The following ENOX1 variants were observed in gnomAD, a reference collection of about 807,000 sequenced individuals.
ENOX1 encodes the protein ecto-NOX disulfide-thiol exchanger 1.
Under a neutral mutation model 82.5 loss-of-function variants are expected in ENOX1, and 42 were observed. The ratio of observed to expected loss-of-function variants is 0.51; its 90% CI spans 0.40 to 0.66. The LOEUF is 0.66. Among genes scored for constraint, ENOX1 ranks in the 30% least tolerant of loss-of-function variants. ENOX1 has a pLI of 0.00. For missense variants in ENOX1, 608 were observed against 811.6 expected (o/e 0.75, Z 3.05); for synonymous variants, 271 against 282.2 (o/e 0.96, Z 0.40).
At chr13:43,581,349 G>A (rs1173421958) in intron 2 of ENOX1, among the ~76,000 whole-genome samples, 1 of 151,068 alleles carries the variant, frequency 6.6e-6, no homozygotes, top group East Asian at 1.9e-4. Flanking sequence ...AGCCGGGATG[G>A]TCTCGATCTC....
intron 2 of ENOX1, among the ~76,000 whole-genome samples, chr13:43,598,894 G>C (rs1044668846): frequency 6.6e-6 from 1 of 152,128 alleles, no homozygotes; most frequent in African/African-American, 2.4e-5. Context: ...ATGTTATTCT[G>C]TCACATACAT....
At chr13:43,455,928 C>T (rs1469762843) in intron 3 of ENOX1, among the ~76,000 whole-genome samples, 1 of 152,162 alleles carries the variant, frequency 6.6e-6, no homozygotes, top group Non-Finnish European at 1.5e-5. Context: ...AACTGTGAGT[C>T]CATTAAACTT....
chr13:43,735,219 C>A (rs1433229913), intron 1 of ENOX1, among the ~76,000 whole-genome samples: 2 of 152,180 alleles, frequency 1.3e-5, no homozygotes, highest in Non-Finnish European at 2.9e-5. Context: ...TTTAGGACAA[C>A]ATGCTAGTAA....
chr13:43,310,709 G>T (rs926683749), intron 11 of ENOX1, among the ~76,000 whole-genome samples: 1 of 151,710 alleles, frequency 6.6e-6, no homozygotes, highest in Non-Finnish European at 1.5e-5. Flanking sequence ...TACTAAGAAA[G>T]AAAGAAAAGA....
intron 14 of ENOX1, among the ~76,000 whole-genome samples, chr13:43,241,656 A>T (rs1447914421): frequency 2.0e-5 from 3 of 152,296 alleles, no homozygotes; most frequent in Admixed American, 6.5e-5. Flanking sequence ...TTCTCAGCCT[A>T]CCTTTTAACT....
chr13:43,342,667 T>C (rs1050891029), intron 9 of ENOX1, among the ~76,000 whole-genome samples: 2 of 152,148 alleles, frequency 1.3e-5, no homozygotes, highest in Admixed American at 1.3e-4. Context: ...CTCCAGGTAA[T>C]GTGGCTGGGG....
intron 11 of ENOX1, among the ~76,000 whole-genome samples, chr13:43,307,547 T>C (rs2046938094): frequency 6.6e-6 from 1 of 152,242 alleles, no homozygotes; most frequent in Admixed American, 6.5e-5. Flanking sequence ...CATTAGTTTT[T>C]CATATTTGCT....
rs1451870472 is a variant in ENOX1 at position 43,413,510 on chromosome 13, TA to T, written c.-74-523del. 4.6e-5 allele frequency among the ~76,000 whole-genome samples: 7 copies of T among 151,932 alleles called. No homozygotes were observed. The East Asian group carries it at 1.4e-3, about 29-fold the overall frequency. ...CATGCAGCTGGAAAAGGAGGGTACC[TA>T]AATTACAATAGTCAGGAAAGGCAGA... On this transcript the variant is annotated intron_variant, in intron 3 of 16. Transcript: ENST00000690772.
At chr13:43,592,897 A>G (rs2153726254) in intron 2 of ENOX1, among the ~76,000 whole-genome samples, 1 of 152,286 alleles carries the variant, frequency 6.6e-6, no homozygotes, top group Non-Finnish European at 1.5e-5. Context: ...ATTGCCTTAT[A>G]ATTATTCCTT....
intron 12 of ENOX1, among the ~76,000 whole-genome samples, chr13:43,287,122 CCTA>C (rs2045742014): frequency 6.6e-6 from 1 of 152,152 alleles, no homozygotes; most frequent in Admixed American, 6.5e-5. Flanking sequence ...GTCTCAGTTT[CCTA>C]CTTGACACAC....
chr13:43,429,567 G>A (rs2055536711), intron 3 of ENOX1, among the ~76,000 whole-genome samples: 1 of 152,162 alleles, frequency 6.6e-6, no homozygotes, highest in Non-Finnish European at 1.5e-5. Context: ...TGGTTCAGTA[G>A]ATCAAATGGG....
intron 2 of ENOX1, among the ~76,000 whole-genome samples, chr13:43,557,313 G>C (rs184308059): frequency 9.2e-5 from 14 of 152,096 alleles, no homozygotes; most frequent in Non-Finnish European, 5.9e-5. Context: ...TCCATAAAGC[G>C]GTCTGAGGCT....
chr13:43,357,334 G>C (rs2050219485), intron 7 of ENOX1, among the ~76,000 whole-genome samples: 1 of 152,140 alleles, frequency 6.6e-6, no homozygotes, highest in Non-Finnish European at 1.5e-5. Context: ...TCTCTGTAGA[G>C]GCTGGCTCCT....
At chr13:43,315,085 G>A (rs541417859) in intron 11 of ENOX1, among the ~76,000 whole-genome samples, 15 of 152,126 alleles carry the variant, frequency 9.9e-5, no homozygotes, top group Admixed American at 2.0e-4. Flanking sequence ...AAAAATACAC[G>A]GAAAAATACT....
chr13:43,238,982 C>T (rs2042685146), intron 14 of ENOX1, among the ~76,000 whole-genome samples: 1 of 152,062 alleles, frequency 6.6e-6, no homozygotes, highest in Non-Finnish European at 1.5e-5. Flanking sequence ...GTTTTCTCCC[C>T]AGGTCCAAAA....
intron 1 of ENOX1, among the ~76,000 whole-genome samples, chr13:43,705,549 T>C (rs2087222475): frequency 6.6e-6 from 1 of 151,776 alleles, no homozygotes; most frequent in Admixed American, 6.6e-5. Context: ...TCAAACAAAG[T>C]AGACTTCAAG....
chr13:43,445,874 C>A (rs2056625692), intron 3 of ENOX1, among the ~76,000 whole-genome samples: 2 of 152,200 alleles, frequency 1.3e-5, no homozygotes, highest in East Asian at 1.9e-4. Flanking sequence ...TGGCTCCTCA[C>A]TGAAATCTTC....
At chr13:43,428,548 T>G (rs2055462893) in intron 3 of ENOX1, among the ~76,000 whole-genome samples, 1 of 152,180 alleles carries the variant, frequency 6.6e-6, no homozygotes, top group Non-Finnish European at 1.5e-5. Flanking sequence ...GTAGAAAGGC[T>G]GGTCCCAGCT....
At chr13:43,695,261 G>A (rs569996412) in intron 1 of ENOX1, among the ~76,000 whole-genome samples, 2 of 151,692 alleles carry the variant, frequency 1.3e-5, no homozygotes, top group East Asian at 1.9e-4. Context: ...AAAAAAAATG[G>A]TTCTTTACTC....
Sources: allele counts gnomAD v4.1 joint callset (sites outside exome capture counted in the v4.1 genomes callset), GRCh38; gene constraint gnomAD v4.1.1; transcripts MANE v1.5; gene names NCBI Gene and HGNC (gene_info 2026-07-23, HGNC 2026-07-21).